The following TMC6 variants were observed in gnomAD, a reference collection of about 807,000 sequenced individuals.
TMC6 encodes the protein transmembrane channel like 6, also known as transmembrane channel-like protein 6.
Under a neutral mutation model 95.4 loss-of-function variants are expected in TMC6, and 71 were observed. The observed-to-expected ratio is 0.74, with a 90% CI of 0.61 to 0.91. TMC6 has a LOEUF of 0.91. Ranked by LOEUF, TMC6 falls within the 40% of genes least tolerant of loss-of-function variation. TMC6 has a pLI of 0.00. For missense variants in TMC6, 1,074 were observed against 1,079.1 expected, an observed-to-expected ratio of 1.00 and a Z score of 0.07; for synonymous variants, 514 against 483.1, an observed-to-expected ratio of 1.06 and a Z score of -0.84.
rs2074828505 is a variant in TMC6 at position 78,128,149 on chromosome 17, G to A, written c.-75+463C>T. 6.6e-6 allele frequency among the ~76,000 whole-genome samples: 1 copy of A among 152,220 alleles called. No individual in the cohort carries two copies. The highest frequency in any genetic ancestry group is 1.5e-5 in the Non-Finnish European group (1 of 68,036). On this transcript the variant is annotated intron_variant, in intron 1 of 19. Coordinates refer to ENST00000590602, the MANE Select transcript of TMC6 (RefSeq NM_001127198.5). The surrounding 1 kb of genome is among the most constrained non-coding windows in gnomAD (Gnocchi z 4.0). ...GCGCACCATTCCTGAGCTAGGTGGG[G>A]AGAGGCTGGGTGGCGCCCGTTTCCA...
At chr17:78,130,136 T>C (rs1247713260), upstream of TMC6, among the ~76,000 whole-genome samples, 3 of 152,232 alleles carry the variant, frequency 2.0e-5, no homozygotes, top group East Asian at 3.9e-4. Flanking sequence ...CTTAAACATC[T>C]AGCCTGGGAG....
At position 78,113,180 on chromosome 17, in the gene TMC6, G is replaced by C; in HGVS notation, c.2386C>G (p.Pro796Ala). The C allele has an allele frequency of 6.4e-7, 1 of 1,558,660 alleles. No homozygotes were observed. The highest frequency in any genetic ancestry group is 8.7e-7 in the Non-Finnish European group (1 of 1,150,272). Reference protein sequence around the residue: ...VGTTEEAAAPPALLTDEQDA With the variant: ...VGTTEEAAAPAALLTDEQDA Reference sequence around the variant, plus strand: ...TCCTGTTCATCTGTGAGCAGGGCAGGGGGTGCCGCAGCCTCCTCGGTTGTC... The same window carrying C: ...TCCTGTTCATCTGTGAGCAGGGCAGCGGGTGCCGCAGCCTCCTCGGTTGTC... The change falls in exon 20 of 20, where the codon CCT (proline) becomes GCT (alanine). Residue 796 changes from proline (P) to alanine (A), a missense_variant. Pro to Ala is a conservative substitution (Grantham distance 27). Coordinates refer to ENST00000590602, the MANE Select transcript of TMC6 (RefSeq NM_001127198.5).
chr17:78,131,439 C>T, upstream of TMC6: 1 of 1,142,708 alleles, frequency 8.8e-7, no homozygotes, highest in Non-Finnish European at 1.3e-6. Flanking sequence ...GAGCCCAGGC[C>T]CCGACGCCGG....
Position 78,120,751 on chromosome 17 carries a change from C to G in TMC6, c.1617G>C (p.Gln539His). 1 of 1,613,576 alleles carries G rather than the reference C, an allele frequency of 6.2e-7. No individual in the cohort carries two copies. The highest frequency in any genetic ancestry group is 2.2e-5 in the East Asian group (1 of 44,896). The change falls in exon 13 of 20, where the codon CAG becomes CAC. Residue 539 changes from glutamine (Q) to histidine (H), a missense_variant. Coordinates refer to ENST00000590602, the MANE Select transcript of TMC6 (RefSeq NM_001127198.5). ...CCTGGCCCACAAAATCCTCCCAGCA[C>G]TGGCCCTGCAGGACGCCCACCCTGC... ...LGRRVGVLQG[Q>H]CWEDFVGQEL...
rs368037760 is a variant in TMC6, at chr17:78,126,536, G to T, written c.169C>A (p.Arg57=). 4 of 1,613,360 alleles carry T rather than the reference G, an allele frequency of 2.5e-6. No homozygotes were observed. Among genetic ancestry groups the T allele is most frequent in the Non-Finnish European group, 8.5e-7 (1 of 1,180,000 alleles). ...GGCCTGAGCTCACCTGTCACCTCCC[G>T]CTCTCTCTGCTGCAGCTCCAGCCCC... ...QEGLELQQRE[R]EVTGSSQQTL... is the part of the protein sequence containing the mutation. The change falls in exon 3 of 20, where the codon CGG becomes AGG. Residue 57 remains arginine, a synonymous_variant. Coordinates refer to ENST00000590602, the MANE Select transcript of TMC6 (RefSeq NM_001127198.5).
rs973057407 is a variant in TMC6 at position 78,126,859 on chromosome 17, C to A, written c.-27G>T. ...TCTCTGGCCAATGCCCGCTAGTCTG[C>A]AGACCTAGGGTAGCTCAGAGCCTGG... On this transcript the variant is annotated 5_prime_UTR_variant, in exon 2 of 20. Transcript: ENST00000590602. 1.9e-6 allele frequency: 3 copies of A among 1,610,416 alleles called. No homozygotes were observed. The highest frequency in any genetic ancestry group is 4.5e-5 in the East Asian group (2 of 44,780).
chr17:78,123,109 A>C, intron 9 of TMC6: 4 of 373,164 alleles, frequency 1.1e-5, no homozygotes, highest in South Asian at 4.6e-5. Context: ...ATCCATCCCC[A>C]CTCTTATCTA....
At chr17:78,120,584 C>CTCCCGGCCACACG (rs71931149) in intron 13 of TMC6, 69 bp downstream of exon 13, 2 of 1,609,512 alleles carry the variant, frequency 1.2e-6, no homozygotes, top group African/African-American at 1.3e-5. Context: ...GCCTGAGAAC[C>CTCCCGGCCACACG]TCCCGGCCAC....
At chr17:78,119,998 T>G in intron 13 of TMC6, 2 of 393,174 alleles carry the variant, frequency 5.1e-6, no homozygotes, top group South Asian at 3.9e-5. Context: ...ATTCATATAT[T>G]CTCGAAGAAA....
chr17:78,126,069 AT>A, intron 4 of TMC6, 185 bp from the exon 5 acceptor site: 1 of 1,136,218 alleles, frequency 8.8e-7, no homozygotes. Flanking sequence ...CTCTGGAGTC[AT>A]TTTTGGAGCC....
At position 78,128,110 on chromosome 17, in the gene TMC6, A is replaced by C. The variant is rs537115958; in HGVS notation, c.-75+502T>G. On this transcript the variant is annotated intron_variant, in intron 1 of 19. Transcript: ENST00000590602. This position sits in a 1 kb window ranked among gnomAD's most constrained non-coding sequence, Gnocchi z 4.0. ...TCCGCCCCGAGGCCCAGGCAAGTCC[A>C]GCGGAGTTTCCAGGCGCACCATTCC... Among the ~76,000 whole-genome samples the C allele has an allele frequency of 6.6e-6, 1 of 152,316 alleles. No homozygotes were observed. The highest frequency in any genetic ancestry group is 2.4e-5 in the African/African-American group (1 of 41,576).
Position 78,112,935 on chromosome 17 carries a change from T to G in TMC6, c.*213A>C. Reference sequence around the variant, plus strand: ...GGGACAAGCCCATTTGCAAAACCCCTTTAATCAGAATAAATAGAGTCCCAG... The same window carrying G: ...GGGACAAGCCCATTTGCAAAACCCCGTTAATCAGAATAAATAGAGTCCCAG... On this transcript the variant is annotated 3_prime_UTR_variant, in exon 20 of 20. Coordinates refer to ENST00000590602, the MANE Select transcript of TMC6 (RefSeq NM_001127198.5). The G allele has an allele frequency of 3.3e-6, 2 of 603,894 alleles. No individual in the cohort carries two copies. Among genetic ancestry groups the G allele is most frequent in the East Asian group, 5.7e-5 (2 of 34,910 alleles). 37.4% of individuals were successfully genotyped at this position (603,894 alleles called of 1,614,324 possible).
At chr17:78,114,372 C>A (rs2073947520) in intron 18 of TMC6, among the ~76,000 whole-genome samples, 1 of 152,152 alleles carries the variant, frequency 6.6e-6, no homozygotes, top group Admixed American at 6.5e-5. Context: ...CCAAAGTCAG[C>A]TGACTGGCAA....
chr17:78,113,882 G>A (rs1211187707), intron 18 of TMC6: 25 of 500,916 alleles, frequency 5.0e-5, no homozygotes, highest in Admixed American at 3.8e-4. Flanking sequence ...CCCAGAGCCA[G>A]CCTGACTCAA....
chr17:78,124,200 C>T (rs369917705), intron 8 of TMC6, 21 bp from the exon 9 acceptor site: 25 of 1,610,412 alleles, frequency 1.6e-5, no homozygotes, highest in Middle Eastern at 4.3e-4. Context: ...GAGATCCAGC[C>T]GAGTCAGGGA....
At position 78,125,841 on chromosome 17, in the gene TMC6, C is replaced by T. The variant is rs139557408; in HGVS notation, c.315G>A (p.Thr105=). Residue 105 remains threonine (T), a synonymous_variant, in exon 5 of 20, where the codon ACG becomes ACA. Transcript: ENST00000590602. ...GGCTGCTCCTGCACCGAAGCTGCAC[C>T]GTGCGGTTGTAGTACTGGGAGATGA... is the stretch of plus-strand genomic sequence containing the variant. The part of the protein sequence containing the change: ...GAIISQYYNR[T]VQLRCRSSRP... The T allele has an allele frequency of 1.9e-3, 2,955 of 1,552,718 alleles. 4 individuals are homozygous for T. Among genetic ancestry groups the T allele is most frequent in the Middle Eastern group, 3.7e-3 (22 of 5,992 alleles).
intron 13 of TMC6, 133 bp from the exon 14 acceptor site, chr17:78,119,525 A>G: frequency 1.1e-6 from 1 of 913,630 alleles, no homozygotes; most frequent in South Asian, 1.4e-5. Context: ...TGCCAAGAAG[A>G]GACAGCCACC....
At chr17:78,125,593 G>A (rs1026518803) in intron 5 of TMC6, 133 bp downstream of exon 5, 20 of 1,375,382 alleles carry the variant, frequency 1.5e-5, no homozygotes, top group Non-Finnish European at 1.9e-5. Flanking sequence ...GGGGCCTTCA[G>A]GCAGCCTGCT....
In TMC6 at chr17:78,118,878, G is replaced by T; in HGVS notation, c.1887+93C>A. 2.2e-6 allele frequency: 3 copies of T among 1,383,624 alleles called. No homozygotes were observed. In the South Asian group the frequency reaches 3.7e-5, roughly 17 times the overall value. The allele number at this position is 1,383,624 out of a possible 1,614,324, so 85.7% of individuals were successfully genotyped here. A position where few individuals can be genotyped will look rare whatever the true frequency, so the allele number is the denominator to read the frequency against. On this transcript the variant is annotated intron_variant, in intron 15 of 19. Transcript: ENST00000590602. ...AGCCCCACTCCACTCAGGTGGGGAG[G>T]GTTCTAGTGTCCCAGGCTCTGCCCA...
Sources: gnomAD v4.1 joint callset for allele counts (sites outside exome capture counted in the v4.1 genomes callset) on GRCh38, gnomAD v4.1.1 for gene constraint, Gnocchi (gnomAD v3.1) non-coding constraint, MANE v1.5 for transcripts, NCBI Gene and HGNC (gene_info 2026-07-23, HGNC 2026-07-21) for gene names.